The following DNAH3 variants were observed in gnomAD, a reference collection of about 807,000 sequenced individuals.
DNAH3 encodes dynein axonemal heavy chain 3.
A neutral mutation model predicts 432.5 loss-of-function variants in DNAH3; 332 were observed. That is an observed-to-expected ratio of 0.77 (90% CI 0.70 to 0.84). The LOEUF (loss-of-function observed/expected upper bound fraction) is 0.84. Ranked by LOEUF, DNAH3 falls within the 40% of genes least tolerant of loss-of-function variation. The probability of loss-of-function intolerance (pLI) is 0.00; values close to 1 mark genes in which losing one functional copy is unlikely to be tolerated. For synonymous variants in DNAH3, 1,956 were observed against 1,900.2 expected (o/e 1.03, Z -0.76); for missense variants, 4,861 against 5,114.0 (o/e 0.95, Z 1.51).
intron 18 of DNAH3, among the ~76,000 whole-genome samples, chr16:21,088,346 G>T (rs1031838754): frequency 3.3e-5 from 5 of 152,178 alleles, no homozygotes; most frequent in African/African-American, 1.2e-4. Flanking sequence ...GATGAATAAA[G>T]TAGGTAAGGC....
At chr16:21,144,885 AG>A (rs1465591801) in intron 3 of DNAH3, among the ~76,000 whole-genome samples, 1 of 152,010 alleles carries the variant, frequency 6.6e-6, no homozygotes, top group Non-Finnish European at 1.5e-5. Context: ...TCGGAGGTTG[AG>A]GCAGGTGGAT....
chr16:20,999,857 A>C (rs1178017111), intron 43 of DNAH3, among the ~76,000 whole-genome samples: 1 of 152,212 alleles, frequency 6.6e-6, no homozygotes, highest in Admixed American at 6.5e-5. Context: ...AAATGGAATA[A>C]GGGGTTTATC....
intron 53 of DNAH3, 49 bp downstream of exon 53, chr16:20,963,235 C>A: frequency 1.9e-6 from 3 of 1,553,970 alleles, no homozygotes; most frequent in South Asian, 1.2e-5. Context: ...TGATATCCAC[C>A]CACACATACT....
At chr16:21,110,739 TCACACCTGTAGTCCCAA>T (rs1354985540) in intron 14 of DNAH3, among the ~76,000 whole-genome samples, 5 of 152,122 alleles carry the variant, frequency 3.3e-5, no homozygotes, top group African/African-American at 1.2e-4. Context: ...ACATGGTGGC[TCACACCTGTAGTCCCAA>T]CAGACTTAGG....
chr16:21,104,413 C>A, intron 16 of DNAH3, 58 bp downstream of exon 16: 1 of 1,478,524 alleles, frequency 6.8e-7, no homozygotes, highest in East Asian at 2.3e-5. Flanking sequence ...CAGGAACCTG[C>A]AGCATGGGTG....
intron 31 of DNAH3, among the ~76,000 whole-genome samples, chr16:21,043,500 C>A (rs1375346378): frequency 4.3e-5 from 4 of 93,124 alleles, no homozygotes; most frequent in African/African-American, 1.9e-4. Context: ...ATGTCCTTTG[C>A]CCACTTTTTG....
At chr16:20,946,621 T>C (rs184268650) in intron 57 of DNAH3, among the ~76,000 whole-genome samples, 45 of 152,188 alleles carry the variant, frequency 3.0e-4, no homozygotes, top group Non-Finnish European at 6.2e-4. Context: ...AATATACATA[T>C]ATATCTACTG....
exon 55 of DNAH3, chr16:20,954,963 C>T (rs2084494729): frequency 6.2e-7 from 1 of 1,614,058 alleles, no homozygotes; most frequent in African/African-American, 1.3e-5. Context: ...AACAGGTTGG[C>T]CCGGAGCCCT....
Position 21,048,498 on chromosome 16 carries a change from G to A in DNAH3, c.4461+1071C>T, listed in dbSNP as rs1231477541. Among the ~76,000 whole-genome samples, 7 of 152,274 alleles carry A rather than the reference G, an allele frequency of 4.6e-5. No homozygotes were observed. In the East Asian group the frequency reaches 9.7e-4, roughly 21 times the overall value. ...GAAAGGGAACTCCCTGACCCCTTGCGCTTCCCAGGTGAGGCAATGCCTCGC... is the reference window on the plus strand; with the variant it reads ...GAAAGGGAACTCCCTGACCCCTTGCACTTCCCAGGTGAGGCAATGCCTCGC... On this transcript the variant is annotated intron_variant, in intron 31 of 61. Coordinates refer to ENST00000261383, the Ensembl canonical transcript of DNAH3.
At chr16:21,000,028 A>AGGAG (rs772478032) in intron 43 of DNAH3, among the ~76,000 whole-genome samples, 196 bp downstream of exon 43, 4 of 139,682 alleles carry the variant, frequency 2.9e-5, no homozygotes, top group South Asian at 5.4e-4. Context: ...GAAGAAGGAA[A>AGGAG]GGAGGGAGGG....
intron 37 of DNAH3, among the ~76,000 whole-genome samples, chr16:21,030,115 T>A (rs968588622): frequency 3.9e-5 from 6 of 152,176 alleles, no homozygotes; most frequent in African/African-American, 1.4e-4. Flanking sequence ...TGTGAGCCTA[T>A]AGGGCCCAGC....
exon 53 of DNAH3, chr16:20,964,580 C>T (rs755438485): frequency 3.1e-6 from 5 of 1,614,046 alleles, no homozygotes; most frequent in Non-Finnish European, 4.2e-6. Context: ...TTGATGACAG[C>T]CAGTTTATTC....
rs139171231 is a variant in DNAH3 at position 21,058,065 on chromosome 16, CTT to C, written c.3924+19_3924+20del. 4.2e-3 allele frequency: 5,743 copies of C among 1,355,214 alleles called. 190 individuals are homozygous for C. In the African/African-American group the frequency reaches 0.072, roughly 17 times the overall value. 83.9% of individuals were successfully genotyped at this position (1,355,214 alleles called of 1,614,324 possible). ...ATTGATGCTTGGATCTCTTCTGTAA[CTT>C]TGCAGCAAGTTCACTTACCAGTAAG... On this transcript the variant is annotated intron_variant, in intron 27 of 61. Transcript: ENST00000261383.
chr16:21,151,110 G>A (rs148895304), intron 1 of DNAH3, among the ~76,000 whole-genome samples: 18 of 152,248 alleles, frequency 1.2e-4, no homozygotes, highest in Non-Finnish European at 1.2e-4. Flanking sequence ...TCTACAATTG[G>A]ACAGGTCATA....
At chr16:20,975,473 CA>C in intron 50 of DNAH3, 58 bp from the exon 51 acceptor site, 1 of 1,522,820 alleles carries the variant, frequency 6.6e-7, no homozygotes, top group South Asian at 1.2e-5. Flanking sequence ...GCAAAGTAGA[CA>C]AGAATTGAAA....
intron 31 of DNAH3, 117 bp from the exon 32 acceptor site, chr16:21,042,320 G>C: frequency 1.0e-6 from 1 of 993,400 alleles, no homozygotes; most frequent in Non-Finnish European, 1.5e-6. Context: ...AACCGCACCT[G>C]CACATTCAAA....
At chr16:20,972,365 C>A (rs1304692150) in intron 51 of DNAH3, among the ~76,000 whole-genome samples, 1 of 151,814 alleles carries the variant, frequency 6.6e-6, no homozygotes, top group Non-Finnish European at 1.5e-5. Context: ...TAGCTAAGAC[C>A]GCAGGTGTGC....
At chr16:20,938,084 C>T (rs2083661865) in intron 59 of DNAH3, among the ~76,000 whole-genome samples, 1 of 152,150 alleles carries the variant, frequency 6.6e-6, no homozygotes, top group African/African-American at 2.4e-5. Context: ...TGTGTAACCA[C>T]TAAACCATTG....
At chr16:21,039,139 T>C (rs1287103977) in intron 33 of DNAH3, among the ~76,000 whole-genome samples, 2 of 152,144 alleles carry the variant, frequency 1.3e-5, no homozygotes, top group Non-Finnish European at 2.9e-5. Flanking sequence ...ACCTAGTTAA[T>C]TGGAGGCAAT....
Sources: allele counts gnomAD v4.1 joint callset (sites outside exome capture counted in the v4.1 genomes callset), GRCh38; gene constraint gnomAD v4.1.1; transcripts MANE v1.5; gene names NCBI Gene and HGNC (gene_info 2026-07-23, HGNC 2026-07-21).